Variants in LRP2BP observed in about 807,000 individuals in gnomAD.
LRP2BP encodes LRP2 binding protein.
A neutral mutation model predicts 45.2 loss-of-function variants in LRP2BP; 38 were observed. The observed-to-expected ratio is 0.84, with a 90% confidence interval of 0.65 to 1.10. The LOEUF (loss-of-function observed/expected upper bound fraction) is 1.10, where lower values mean the gene tolerates loss of function less well. Among genes scored for constraint, LRP2BP ranks in the 50% least tolerant of loss-of-function variants. The pLI is 0.00. For missense variants in LRP2BP, 385 were observed against 418.9 expected (o/e 0.92, Z 0.71); for synonymous variants, 153 against 153.9 (o/e 0.99, Z 0.04).
chr4:185,368,339 G>A (rs946142802), intron 8 of LRP2BP, among the ~76,000 whole-genome samples: 19 of 152,136 alleles, frequency 1.2e-4, no homozygotes, highest in African/African-American at 4.6e-4. Flanking sequence ...CCGAGAGCAG[G>A]CCTGGGTCTG....
chr4:185,378,751 T>C, intron 1 of LRP2BP: 1 of 985,654 alleles, frequency 1.0e-6, no homozygotes, highest in South Asian at 4.7e-5. Context: ...AGTGTCTTCA[T>C]ATAAAATGTA....
intron 8 of LRP2BP, among the ~76,000 whole-genome samples, chr4:185,367,499 C>T (rs2095393289): frequency 6.6e-6 from 1 of 151,950 alleles, no homozygotes; most frequent in African/African-American, 2.4e-5. Flanking sequence ...AACTTAAGCA[C>T]CAATGATAGC....
intron 8 of LRP2BP, among the ~76,000 whole-genome samples, chr4:185,367,905 C>T (rs533040271): frequency 2.6e-5 from 4 of 152,194 alleles, no homozygotes; most frequent in South Asian, 2.1e-4. Context: ...TATGGCCGGG[C>T]GCGGTAGCTC....
rs34458591 is a variant in LRP2BP at position 185,379,812 on chromosome 4, T to TTCTC, written c.-21-1609_-21-1606dup. 1.2e-3 allele frequency among the ~76,000 whole-genome samples: 177 copies of TTCTC among 149,814 alleles called. 1 individual carries two copies. Among genetic ancestry groups the TTCTC allele is most frequent in the African/African-American group, 3.5e-3 (144 of 41,006 alleles). On this transcript the variant is annotated intron_variant, in intron 1 of 8. Coordinates refer to ENST00000505916, the MANE Select transcript of LRP2BP (RefSeq NM_001377440.1). ...CTGGCGTGTCCCAGCACCTGCGCAC[T>TTCTC]TCTCTCTCTCTCTCTCTCTCTCTGA...
At chr4:185,369,224 G>C (rs1277896097) in intron 8 of LRP2BP, among the ~76,000 whole-genome samples, 3 of 141,700 alleles carry the variant, frequency 2.1e-5, no homozygotes, top group African/African-American at 8.0e-5. Flanking sequence ...GTAATACAGA[G>C]AGCTTTTTTT....
At chr4:185,385,475 C>A (rs2095468479) in intron 1 of LRP2BP, among the ~76,000 whole-genome samples, 1 of 152,126 alleles carries the variant, frequency 6.6e-6, no homozygotes, top group East Asian at 1.9e-4. Flanking sequence ...TTAAATTGAC[C>A]TCTGTCCTAG....
intron 4 of LRP2BP, 26 bp from the exon 5 acceptor site, chr4:185,374,487 A>T (rs764833601): frequency 1.2e-6 from 2 of 1,602,866 alleles, no homozygotes; most frequent in Non-Finnish European, 1.7e-6. Context: ...GAGCAAAAAA[A>T]CCCTAGTTTT....
At chr4:185,386,694 C>T (rs1042573807) in intron 1 of LRP2BP, among the ~76,000 whole-genome samples, 3 of 152,040 alleles carry the variant, frequency 2.0e-5, no homozygotes, top group African/African-American at 7.3e-5. Flanking sequence ...CCAACGTGAC[C>T]CCTGGACCTT....
Position 185,395,058 on chromosome 4 carries a change from A to G in LRP2BP, c.-301T>C. 1.0e-6 allele frequency: 1 copy of G among 984,190 alleles called. No individual in the cohort carries two copies. Among genetic ancestry groups the G allele is most frequent in the East Asian group, 1.1e-4 (1 of 8,712 alleles). The allele number at this position is 984,190 out of a possible 1,614,324, so 61.0% of individuals were successfully genotyped here. A position where few individuals can be genotyped will look rare whatever the true frequency, so the allele number is the denominator to read the frequency against. ...GTTTATAGTTTCTAGGCCCATTACT[A>G]AAGTCAAGTCAGATATCCAGCTGAG... is the stretch of plus-strand genomic sequence containing the variant. On this transcript the variant is annotated 5_prime_UTR_variant, in exon 1 of 9. Coordinates refer to ENST00000505916, the MANE Select transcript of LRP2BP (RefSeq NM_001377440.1).
intron 8 of LRP2BP, among the ~76,000 whole-genome samples, chr4:185,368,156 C>T (rs1319188411): frequency 6.6e-6 from 1 of 152,150 alleles, no homozygotes; most frequent in Non-Finnish European, 1.5e-5. Flanking sequence ...CCAGCCTGGG[C>T]AACAGAGCCA....
chr4:185,371,798 C>T (rs1426532472), intron 7 of LRP2BP, among the ~76,000 whole-genome samples: 3 of 152,226 alleles, frequency 2.0e-5, no homozygotes, highest in South Asian at 2.1e-4. Flanking sequence ...GCCTGGAGCC[C>T]GAGACGCTGG....
chr4:185,389,978 A>G (rs2095483864), intron 1 of LRP2BP, among the ~76,000 whole-genome samples: 1 of 152,236 alleles, frequency 6.6e-6, no homozygotes, highest in African/African-American at 2.4e-5. Context: ...GTGAGAATTT[A>G]GAGTTTTCTT....
Position 185,373,021 on chromosome 4 carries a change from A to C in LRP2BP, c.638T>G (p.Leu213Arg). The C allele has an allele frequency of 6.2e-7, 1 of 1,613,328 alleles. No homozygotes were observed. Among genetic ancestry groups the C allele is most frequent in the Non-Finnish European group, 8.5e-7 (1 of 1,179,280 alleles). Reference protein sequence around the residue: ...GNGNLESQGALGLMYLYGQGI... With the variant: ...GNGNLESQGARGLMYLYGQGI... ...TTGTCCATACAAGTACATGAGCCCA[A>C]GTGCACCCTGGGACTCCAGATTCCC... Residue 213 changes from leucine to arginine, a missense_variant, in exon 7 of 9, where the codon CTT (leucine) becomes CGT (arginine). Transcript: ENST00000505916.
upstream of LRP2BP, chr4:185,395,928 G>T (rs1363802932): frequency 2.0e-6 from 2 of 984,850 alleles, no homozygotes; most frequent in Non-Finnish European, 2.4e-6. Flanking sequence ...AGAGTCTAGG[G>T]AGCAGCTCTG....
chr4:185,373,844 G>A (rs3797029), intron 6 of LRP2BP, among the ~76,000 whole-genome samples: 56,160 of 152,068 alleles, frequency 0.37, 12,931 homozygotes, highest in African/African-American at 0.66. Context: ...ATATTCATCT[G>A]TTCATGCTTA....
chr4:185,397,178 C>G, upstream of LRP2BP: 1 of 1,613,750 alleles, frequency 6.2e-7, no homozygotes, highest in Middle Eastern at 1.8e-4. Context: ...TTGCTGGAGA[C>G]AGGGGCCTCG....
intron 1 of LRP2BP, among the ~76,000 whole-genome samples, chr4:185,391,323 TCTC>T (rs2095487762): frequency 6.6e-6 from 1 of 152,180 alleles, no homozygotes; most frequent in Non-Finnish European, 1.5e-5. Flanking sequence ...CCAACAGGCT[TCTC>T]CACTGTAAAG....
intron 1 of LRP2BP, chr4:185,390,825 T>C (rs1408895665): frequency 5.9e-5 from 9 of 152,218 alleles, no homozygotes; most frequent in Non-Finnish European, 8.8e-5. Context: ...TTACAATAAT[T>C]TGAGATGTAC....
intron 7 of LRP2BP, chr4:185,371,021 T>C: frequency 2.0e-6 from 1 of 492,568 alleles, no homozygotes; most frequent in Non-Finnish European, 3.6e-6. Flanking sequence ...TTCACATGTC[T>C]CTGTAATTAT....
Sources: allele counts gnomAD v4.1 joint callset (sites outside exome capture counted in the v4.1 genomes callset), GRCh38; gene constraint gnomAD v4.1.1; transcripts MANE v1.5; gene names NCBI Gene and HGNC (gene_info 2026-07-23, HGNC 2026-07-21).